The following PRH1 variants were observed in gnomAD, a reference collection of about 807,000 sequenced individuals.
PRH1 encodes the protein proline rich protein HaeIII subfamily 1, also known as salivary acidic proline-rich phosphoprotein 1/2.
Under a neutral mutation model 7.9 loss-of-function variants are expected in PRH1, and 7 were observed. That is an observed-to-expected ratio of 0.89 (90% confidence interval 0.50 to 1.67). The LOEUF is 1.67. Ranked by LOEUF, PRH1 falls within the 40% of genes most tolerant of loss-of-function variation. The pLI is 0.00. For missense variants in PRH1, 109 were observed against 223.6 expected, an observed-to-expected ratio of 0.49 and a Z score of 3.27; for synonymous variants, 45 against 80.8, an observed-to-expected ratio of 0.56 and a Z score of 2.38.
intron 2 of PRH1, among the ~76,000 whole-genome samples, chr12:10,902,423 A>C (rs902537300): frequency 6.6e-6 from 1 of 152,196 alleles, no homozygotes; most frequent in African/African-American, 2.4e-5. Flanking sequence ...AAGGAGAAAT[A>C]GTTAATAACC....
chr12:10,997,497 T>C (rs1940336942), intron 1 of PRH1: 2 of 1,613,810 alleles, frequency 1.2e-6, no homozygotes, highest in Admixed American at 1.7e-5. Context: ...AGAACTACAC[T>C]CTTAGCCTTC....
At chr12:11,147,575 T>C (rs1946905043) in intron 1 of PRH1, among the ~76,000 whole-genome samples, 1 of 152,232 alleles carries the variant, frequency 6.6e-6, no homozygotes, top group Non-Finnish European at 1.5e-5. Context: ...TGAAGAACCT[T>C]GTTATCTTTT....
intron 1 of PRH1, among the ~76,000 whole-genome samples, chr12:11,087,112 T>A (rs1591987021): frequency 9.9e-6 from 1 of 100,752 alleles, no homozygotes; most frequent in African/African-American, 3.2e-5. Context: ...GTTTTTTTTT[T>A]TTCTTCTGAG....
At chr12:11,042,980 C>T (rs1253470840) in intron 1 of PRH1, among the ~76,000 whole-genome samples, 1 of 152,024 alleles carries the variant, frequency 6.6e-6, no homozygotes, top group South Asian at 2.1e-4. Context: ...CAGACAAAGA[C>T]ACATTGAAAA....
intron 1 of PRH1, among the ~76,000 whole-genome samples, chr12:11,059,780 C>T (rs2136175465): frequency 6.6e-6 from 1 of 152,058 alleles, no homozygotes; most frequent in African/African-American, 2.4e-5. Flanking sequence ...GAGAACAGAA[C>T]AGGGGAATTC....
rs114984472 is a variant in PRH1, at chr12:10,881,388, C to T, written c.*19-332G>A. Reference sequence around the variant, plus strand: ...ATAATAGTGAGAATGTGAATCCAGCCTTAATATCCAGTGACAGGGATTGGT... The same window carrying T: ...ATAATAGTGAGAATGTGAATCCAGCTTTAATATCCAGTGACAGGGATTGGT... On this transcript the variant is annotated intron_variant, in intron 3 of 3. Transcript: ENST00000543626. Among the ~76,000 whole-genome samples, 517 of 152,280 alleles carry T rather than the reference C, an allele frequency of 3.4e-3. 1 individual carries two copies. The highest frequency in any genetic ancestry group is 0.012 in the African/African-American group (496 of 41,554).
intron 2 of PRH1, among the ~76,000 whole-genome samples, chr12:10,902,205 G>T (rs895356505): frequency 3.3e-5 from 5 of 151,766 alleles, no homozygotes; most frequent in African/African-American, 1.2e-4. Flanking sequence ...ACTTACTTAA[G>T]GAATTATAAA....
At chr12:11,117,227 C>T (rs1309233803), downstream of PRH1, among the ~76,000 whole-genome samples, 1 of 151,986 alleles carries the variant, frequency 6.6e-6, no homozygotes. Context: ...TTGCAGAATA[C>T]ACAATTAACA....
intron 1 of PRH1, among the ~76,000 whole-genome samples, chr12:11,037,703 A>G (rs375277150): frequency 7.9e-5 from 12 of 152,374 alleles, no homozygotes; most frequent in African/African-American, 2.9e-4. Flanking sequence ...AAGAAGGTGG[A>G]TTTACAGTTC....
intron 1 of PRH1, among the ~76,000 whole-genome samples, chr12:11,066,189 C>T (rs1409596545): frequency 2.5e-5 from 3 of 119,576 alleles, no homozygotes; most frequent in Admixed American, 8.3e-5. Context: ...CATTTAATCC[C>T]TATCCGTGAG....
At chr12:11,073,665 T>C (rs1219421378) in intron 1 of PRH1, among the ~76,000 whole-genome samples, 1 of 151,930 alleles carries the variant, frequency 6.6e-6, no homozygotes, top group Non-Finnish European at 1.5e-5. Context: ...ACTAGTGGTT[T>C]CAAGTGGAAT....
At chr12:10,891,068 C>T (rs1302305882) in intron 2 of PRH1, among the ~76,000 whole-genome samples, 1 of 152,102 alleles carries the variant, frequency 6.6e-6, no homozygotes, top group Admixed American at 6.6e-5. Flanking sequence ...TCTGTAGGGT[C>T]TTTGGTGTCC....
At chr12:10,916,676 C>T (rs1237504027) in intron 2 of PRH1, among the ~76,000 whole-genome samples, 3 of 151,492 alleles carry the variant, frequency 2.0e-5, no homozygotes, top group Non-Finnish European at 4.4e-5. Context: ...CCCAAGCAAA[C>T]TATCATTCTC....
At chr12:10,997,151 A>G in intron 1 of PRH1, 1 of 1,614,078 alleles carries the variant, frequency 6.2e-7, no homozygotes, top group South Asian at 1.1e-5. Context: ...TAGACACAGA[A>G]AGTAAATGGC....
intron 2 of PRH1, among the ~76,000 whole-genome samples, chr12:10,968,504 A>G (rs1440144058): frequency 6.6e-6 from 1 of 152,258 alleles, no homozygotes; most frequent in Non-Finnish European, 1.5e-5. Flanking sequence ...TCTAAGTGCT[A>G]CAATTCAGGG....
chr12:11,091,115 C>CACACACATATATATATATAT lies in PRH1; in HGVS notation n.124-43928_124-43927insATATATATATATATGTGTGT, dbSNP rs751016037. Among the ~76,000 whole-genome samples the CACACACATATATATATATAT allele has an allele frequency of 4.7e-3, 119 of 25,110 alleles. 11 individuals are homozygous for CACACACATATATATATATAT. The highest frequency in any genetic ancestry group is 0.059 in the Middle Eastern group (2 of 34). The allele number at this position is 25,110 out of a possible 152,430, so 16.5% of individuals were successfully genotyped here. A position where few individuals can be genotyped will look rare whatever the true frequency, so the allele number is the denominator to read the frequency against. On this transcript the variant is annotated intron_variant and non_coding_transcript_variant, in intron 1 of 4. Coordinates refer to the PRH1 transcript ENST00000541977. Reference sequence around the variant, plus strand: ...ACACAAATACACACACACACACACACATATATATATATATATATATATATA... The same window carrying CACACACATATATATATATAT: ...ACACAAATACACACACACACACACACACACACATATATATATATATATATATATATATATATATATATATA...
At chr12:10,965,126 T>C in intron 2 of PRH1, 1 of 1,402,538 alleles carries the variant, frequency 7.1e-7, no homozygotes, top group South Asian at 1.1e-5. Context: ...TCCTAAACTA[T>C]ATGAACCTGG....
At chr12:11,063,006 A>T (rs1389369011) in intron 1 of PRH1, among the ~76,000 whole-genome samples, 2 of 152,022 alleles carry the variant, frequency 1.3e-5, no homozygotes, top group South Asian at 2.1e-4. Flanking sequence ...GTTCCAAAAT[A>T]AAAAAAGGAG....
intron 1 of PRH1, among the ~76,000 whole-genome samples, chr12:11,023,071 T>C (rs1478426609): frequency 6.6e-6 from 1 of 152,334 alleles, no homozygotes; most frequent in Non-Finnish European, 1.5e-5. Context: ...CATACCAATA[T>C]GGACTTATTT....
Sources: gnomAD v4.1 joint callset for allele counts (sites outside exome capture counted in the v4.1 genomes callset) on GRCh38, gnomAD v4.1.1 for gene constraint, MANE v1.5 for transcripts, NCBI Gene and HGNC (gene_info 2026-07-23, HGNC 2026-07-21) for gene names.